The following CUX2 variants were observed in gnomAD, a reference collection of about 807,000 sequenced individuals.
CUX2 encodes cut like homeobox 2.
In CUX2, 40 loss-of-function variants were observed where a neutral mutation model predicts 144.8. The observed-to-expected ratio is 0.28, with a 90% CI of 0.21 to 0.36. CUX2 has a LOEUF of 0.36. Among genes scored for constraint, CUX2 ranks in the 10% least tolerant of loss-of-function variants. The pLI is 1.00. For synonymous variants in CUX2, 827 were observed against 875.6 expected, an observed-to-expected ratio of 0.94 and a Z score of 0.98; for missense variants, 1,615 against 1,994.0, an observed-to-expected ratio of 0.81 and a Z score of 3.62.
intron 1 of CUX2, among the ~76,000 whole-genome samples, chr12:111,102,203 G>A (rs574503224): frequency 3.1e-4 from 47 of 152,316 alleles, no homozygotes; most frequent in Non-Finnish European, 4.6e-4. Context: ...TGGGTGGGCC[G>A]CGCCAAATGC....
At chr12:111,294,585 CAAAAA>C (rs35222521) in intron 6 of CUX2, among the ~76,000 whole-genome samples, 3 of 100,032 alleles carry the variant, frequency 3.0e-5, no homozygotes, top group Admixed American at 1.1e-4. Context: ...CCTATCTTTT[CAAAAA>C]AAAAAAAAAA....
rs77484540 is a variant in CUX2, at chr12:111,244,441, T to C, written c.223-19320T>C. Among the ~76,000 whole-genome samples the C allele has an allele frequency of 6.9e-3, 1,058 of 152,370 alleles. 5 individuals carry two copies. The highest frequency in any genetic ancestry group is 0.016 in the Admixed American group (248 of 15,306). ...CCCATGTTGTCGCTAGATAGCACTG[T>C]GCTCATGAGCTTGGGTTCAATCCCA... On this transcript the variant is annotated intron_variant, in intron 3 of 21. Transcript: ENST00000261726.
intron 1 of CUX2, among the ~76,000 whole-genome samples, chr12:111,076,519 G>T (rs895494966): frequency 6.6e-6 from 1 of 152,228 alleles, no homozygotes; most frequent in Non-Finnish European, 1.5e-5. Context: ...TGGCTACACA[G>T]CTCACAGAGC....
Position 111,061,178 on chromosome 12 carries a change from G to GCGCA in CUX2, c.63+26939_63+26940insGCAC, listed in dbSNP as rs35724344. On this transcript the variant is annotated intron_variant, in intron 1 of 21. Coordinates refer to ENST00000261726, the MANE Select transcript of CUX2 (RefSeq NM_015267.4). This position sits in a 1 kb window ranked among gnomAD's most constrained non-coding sequence, Gnocchi z 4.2. Reference sequence around the variant, plus strand: ...TGTCCCCAGATGTGTGCATGCATATGCACACACACACACACACACACACAC... The same window carrying GCGCA: ...TGTCCCCAGATGTGTGCATGCATATGCGCACACACACACACACACACACACACAC... 7.0e-6 allele frequency among the ~76,000 whole-genome samples: 1 copy of GCGCA among 143,632 alleles called. No homozygotes were observed. Among genetic ancestry groups the GCGCA allele is most frequent in the Admixed American group, 6.9e-5 (1 of 14,488 alleles). The allele number at this position is 143,632 out of a possible 152,430, so 94.2% of individuals were successfully genotyped here. A position where few individuals can be genotyped will look rare whatever the true frequency, so the allele number is the denominator to read the frequency against.
intron 1 of CUX2, among the ~76,000 whole-genome samples, chr12:111,082,712 G>T (rs1423276722): frequency 6.6e-6 from 1 of 152,182 alleles, no homozygotes; most frequent in African/African-American, 2.4e-5. Context: ...AAGACTCGCC[G>T]GGAGGTGGAG....
intron 1 of CUX2, among the ~76,000 whole-genome samples, chr12:111,078,871 A>G (rs1328023524): frequency 6.6e-6 from 1 of 152,008 alleles, no homozygotes. Context: ...GGGGAAGCGG[A>G]TGGGTTCGAT....
chr12:111,221,248 C>T (rs965898207), intron 3 of CUX2, among the ~76,000 whole-genome samples: 1 of 152,164 alleles, frequency 6.6e-6, no homozygotes, highest in Non-Finnish European at 1.5e-5. Flanking sequence ...CTGCTTTTCT[C>T]GTGATCTATT....
At chr12:111,107,468 T>C (rs1389677219) in intron 1 of CUX2, among the ~76,000 whole-genome samples, 1 of 152,280 alleles carries the variant, frequency 6.6e-6, no homozygotes, top group Non-Finnish European at 1.5e-5. Context: ...CCCAGCTAAG[T>C]TCTTCTGTTG....
chr12:111,115,534 C>T (rs1360368096), intron 1 of CUX2, among the ~76,000 whole-genome samples: 1 of 152,032 alleles, frequency 6.6e-6, no homozygotes. Context: ...ATCTGCCCAC[C>T]TTGGCCTTCC....
At chr12:111,319,723 C>G (rs1240916825) in intron 16 of CUX2, among the ~76,000 whole-genome samples, 1 of 151,852 alleles carries the variant, frequency 6.6e-6, no homozygotes, top group Non-Finnish European at 1.5e-5. Context: ...CAGAGTGAGA[C>G]TCCATCTCAA....
intron 1 of CUX2, among the ~76,000 whole-genome samples, chr12:111,111,766 G>A (rs1440730803): frequency 6.6e-6 from 1 of 152,094 alleles, no homozygotes; most frequent in Non-Finnish European, 1.5e-5. Context: ...AGTACAGTTG[G>A]CCAATTGCTG....
intron 1 of CUX2, among the ~76,000 whole-genome samples, chr12:111,201,229 C>A (rs1348188016): frequency 6.6e-6 from 1 of 152,190 alleles, no homozygotes; most frequent in African/African-American, 2.4e-5. Flanking sequence ...ACCTTCCCCT[C>A]CGCTGGTAGC....
At chr12:111,300,070 G>T (rs1383824786) in intron 9 of CUX2, among the ~76,000 whole-genome samples, 1 of 152,100 alleles carries the variant, frequency 6.6e-6, no homozygotes, top group Non-Finnish European at 1.5e-5. Context: ...GTATTTTTTT[G>T]TAGAGATGAG....
At chr12:111,247,636 A>G (rs1883340551) in intron 3 of CUX2, among the ~76,000 whole-genome samples, 1 of 152,020 alleles carries the variant, frequency 6.6e-6, no homozygotes, top group South Asian at 2.1e-4. Flanking sequence ...TGGCATGTAG[A>G]CCCTGGACAG....
chr12:111,272,336 G>A (rs577145582), intron 4 of CUX2, among the ~76,000 whole-genome samples: 2 of 152,018 alleles, frequency 1.3e-5, no homozygotes, highest in Non-Finnish European at 1.5e-5. Context: ...CCATGCCCAC[G>A]CTTCTGCTCA....
Position 111,070,389 on chromosome 12 carries a change from CTTCT to C in CUX2, c.63+36153_63+36156del, listed in dbSNP as rs1283927413. Among the ~76,000 whole-genome samples, 6 of 110,892 alleles carry C rather than the reference CTTCT, an allele frequency of 5.4e-5. 1 individual carries two copies. Among genetic ancestry groups the C allele is most frequent in the African/African-American group, 2.7e-4 (5 of 18,258 alleles). The allele number at this position is 110,892 out of a possible 152,430, so 72.7% of individuals were successfully genotyped here. ...CCCTCCCTCCCTTCTTCCTTCCTTC[CTTCT>C]TTCCTTCCTTCCTTCCTTCCTTCCT... On this transcript the variant is annotated intron_variant, in intron 1 of 21. Coordinates refer to ENST00000261726, the MANE Select transcript of CUX2 (RefSeq NM_015267.4).
intron 1 of CUX2, among the ~76,000 whole-genome samples, chr12:111,167,942 C>T (rs952926481): frequency 2.0e-5 from 3 of 152,154 alleles, no homozygotes; most frequent in Non-Finnish European, 4.4e-5. Context: ...TAACCACCCA[C>T]CTCTGCCTCC....
At chr12:111,342,853 G>A (rs1002204192) in intron 21 of CUX2, among the ~76,000 whole-genome samples, 1 of 151,190 alleles carries the variant, frequency 6.6e-6, no homozygotes, top group Non-Finnish European at 1.5e-5. Context: ...CAACTACTTG[G>A]GAGGCTGAGG....
chr12:111,245,876 G>A (rs917418528), intron 3 of CUX2, among the ~76,000 whole-genome samples: 3 of 152,020 alleles, frequency 2.0e-5, no homozygotes, highest in Admixed American at 6.6e-5. Context: ...AGTTACCCAC[G>A]GGGGCCTGGC....
Sources: allele counts gnomAD v4.1 joint callset (sites outside exome capture counted in the v4.1 genomes callset), GRCh38; gene constraint gnomAD v4.1.1; non-coding constraint Gnocchi (gnomAD v3.1); transcripts MANE v1.5; gene names NCBI Gene and HGNC (gene_info 2026-07-23, HGNC 2026-07-21).